NET1: variants seen among roughly 807,000 people sequenced by gnomAD.
NET1 encodes the protein neuroepithelial cell transforming 1, also known as neuroepithelial cell-transforming gene 1 protein.
Under a neutral mutation model 61.1 loss-of-function variants are expected in NET1, and 42 were observed. The ratio of observed to expected loss-of-function variants is 0.69; its 90% CI spans 0.54 to 0.89. The LOEUF is 0.89. Among genes scored for constraint, NET1 ranks in the 40% least tolerant of loss-of-function variants. The pLI is 0.00. For synonymous variants in NET1, 254 were observed against 281.8 expected, an observed-to-expected ratio of 0.90 and a Z score of 0.99; for missense variants, 654 against 747.3, an observed-to-expected ratio of 0.88 and a Z score of 1.46.
Position 5,412,635 on chromosome 10 carries a change from G to A in NET1, c.-58G>A. ...CCTGGCAGAGGCTGGCGGGCATCGT[G>A]CCCGTCCCTGCCGGTCTCCCGGGCA... On this transcript the variant is annotated 5_prime_UTR_variant, in exon 1 of 12. Transcript: ENST00000355029. This position sits in a 1 kb window ranked among gnomAD's most constrained non-coding sequence, Gnocchi z 6.5. 1 of 1,433,848 alleles carries A rather than the reference G, an allele frequency of 7.0e-7. No individual in the cohort carries two copies. Among genetic ancestry groups the A allele is most frequent in the East Asian group, 3.0e-5 (1 of 33,088 alleles). The allele number at this position is 1,433,848 out of a possible 1,614,324, so 88.8% of individuals were successfully genotyped here.
intron 1 of NET1, among the ~76,000 whole-genome samples, chr10:5,418,675 G>A (rs1180716552): frequency 1.3e-5 from 2 of 151,686 alleles, no homozygotes; most frequent in South Asian, 2.1e-4. Context: ...CCTTCTTCCT[G>A]CTTAGTAATC....
At position 5,451,470 on chromosome 10, in the gene NET1, C is replaced by G. The variant is rs1832700637; in HGVS notation, c.256-360C>G. Among the ~76,000 whole-genome samples, 1 of 150,338 alleles carries G rather than the reference C, an allele frequency of 6.7e-6. No homozygotes were observed. Among genetic ancestry groups the G allele is most frequent in the Non-Finnish European group, 1.5e-5 (1 of 67,820 alleles). ...GATCCATTATGCCATTCTCCACTTT[C>G]ATGTATGTTCGAAAATTTTCATAAC... On this transcript the variant is annotated intron_variant, in intron 3 of 11. Coordinates refer to ENST00000355029, the MANE Select transcript of NET1 (RefSeq NM_001047160.3). This position sits in a 1 kb window ranked among gnomAD's most constrained non-coding sequence, Gnocchi z 6.1.
Position 5,456,359 on chromosome 10 carries a change from G to T in NET1, c.1384+86G>T. 7.7e-7 allele frequency: 1 copy of T among 1,295,810 alleles called. No homozygotes were observed. 80.3% of individuals were successfully genotyped at this position (1,295,810 alleles called of 1,614,324 possible). A position where few individuals can be genotyped will look rare whatever the true frequency, so the allele number is the denominator to read the frequency against. On this transcript the variant is annotated intron_variant, in intron 11 of 11. Transcript: ENST00000355029. The surrounding 1 kb of genome is among the most constrained non-coding windows in gnomAD (Gnocchi z 7.0). ...TTTTGCCTTTAAGAATTCTAGAGAT[G>T]AAATGGCTCCATTGTCCTATACTTG...
chr10:5,453,255 T>C lies in NET1; in HGVS notation c.600T>C (p.Tyr200=), dbSNP rs4567355. 1,588,454 of 1,595,248 alleles carry C rather than the reference T, an allele frequency of 1. 791,082 individuals carry two copies. Among genetic ancestry groups the C allele is most frequent in the East Asian group, 1 (44,770 of 44,770 alleles). The change falls in exon 7 of 12, where the codon TAT becomes TAC. Residue 200 remains tyrosine (Y), a synonymous_variant. Transcript: ENST00000355029. This position sits in a 1 kb window ranked among gnomAD's most constrained non-coding sequence, Gnocchi z 4.9. ...IEDLKLARKA[Y]HDPMLKLSIM... Reference sequence around the variant, plus strand: ...ACATTTCTCCCCTCTGACAGGCCTATCATGACCCCATGTTAAAGTTGTCCA... The same window carrying C: ...ACATTTCTCCCCTCTGACAGGCCTACCATGACCCCATGTTAAAGTTGTCCA...
At chr10:5,425,464 A>G (rs7091237) in intron 1 of NET1, among the ~76,000 whole-genome samples, 37,668 of 152,130 alleles carry the variant, frequency 0.25, 4,929 homozygotes, top group Non-Finnish European at 0.29. Context: ...AAGAAGCCAA[A>G]TAACTACCAT....
rs1289672676 is a variant in NET1, at chr10:5,449,842, T to C, written c.256-1988T>C. Among the ~76,000 whole-genome samples the C allele has an allele frequency of 6.6e-6, 1 of 152,224 alleles. No homozygotes were observed. Among genetic ancestry groups the C allele is most frequent in the Non-Finnish European group, 1.5e-5 (1 of 68,036 alleles). ...CCTTTTAAGTTGAAATTAAATATTA[T>C]ATTTTCTGGGAAGTCAAATTTGTTA... On this transcript the variant is annotated intron_variant, in intron 3 of 11. Coordinates refer to ENST00000355029, the MANE Select transcript of NET1 (RefSeq NM_001047160.3). This position sits in a 1 kb window ranked among gnomAD's most constrained non-coding sequence, Gnocchi z 4.4.
At chr10:5,442,352 A>C (rs947172240) in intron 3 of NET1, among the ~76,000 whole-genome samples, 1 of 152,220 alleles carries the variant, frequency 6.6e-6, no homozygotes, top group African/African-American at 2.4e-5. Flanking sequence ...GTAAAAGTAG[A>C]TAATAATGCC....
chr10:5,413,940 A>G (rs1027078708), intron 1 of NET1, among the ~76,000 whole-genome samples: 2 of 152,230 alleles, frequency 1.3e-5, no homozygotes, highest in Non-Finnish European at 2.9e-5. Flanking sequence ...TTATAGTGAT[A>G]TACACAGAAT....
chr10:5,440,193 C>T lies in NET1; in HGVS notation c.255+10964C>T, dbSNP rs146606533. 2.6e-4 allele frequency among the ~76,000 whole-genome samples: 39 copies of T among 152,316 alleles called. No individual in the cohort carries two copies. The highest frequency in any genetic ancestry group is 9.4e-4 in the African/African-American group (39 of 41,564). On this transcript the variant is annotated intron_variant, in intron 3 of 11. Coordinates refer to ENST00000355029, the MANE Select transcript of NET1 (RefSeq NM_001047160.3). The surrounding 1 kb of genome is among the most constrained non-coding windows in gnomAD (Gnocchi z 4.1). ...CCTGTATGATGTTCTGTGAAATATC[C>T]GGTCCTTGCCGACTTTGTGACAGAA...
intron 3 of NET1, among the ~76,000 whole-genome samples, chr10:5,448,947 A>G (rs1424329429): frequency 6.6e-6 from 1 of 152,154 alleles, no homozygotes; most frequent in East Asian, 1.9e-4. Context: ...TAATAGTCAA[A>G]TCAAGATTAT....
At position 5,445,764 on chromosome 10, in the gene NET1, A is replaced by G. The variant is rs147860986; in HGVS notation, c.256-6066A>G. On this transcript the variant is annotated intron_variant, in intron 3 of 11. Transcript: ENST00000355029. The stretch of plus-strand genomic sequence containing the variant: ...TCATTATTGTCACTTCACCTCTGTT[A>G]GCCTCATTTCTTCACCTGTAAAATG... Among the ~76,000 whole-genome samples the G allele has an allele frequency of 4.3e-3, 650 of 152,336 alleles. 6 individuals carry two copies. Among genetic ancestry groups the G allele is most frequent in the African/African-American group, 0.015 (625 of 41,572 alleles).
Position 5,451,791 on chromosome 10 carries a change from C to T in NET1, c.256-39C>T. The T allele has an allele frequency of 1.3e-6, 2 of 1,503,224 alleles. No homozygotes were observed. The highest frequency in any genetic ancestry group is 1.8e-6 in the Non-Finnish European group (2 of 1,083,244). The allele number at this position is 1,503,224 out of a possible 1,614,324, so 93.1% of individuals were successfully genotyped here. On this transcript the variant is annotated intron_variant, in intron 3 of 11. Coordinates refer to ENST00000355029, the MANE Select transcript of NET1 (RefSeq NM_001047160.3). This position sits in a 1 kb window ranked among gnomAD's most constrained non-coding sequence, Gnocchi z 6.1. ...CCAAGTTTGTATGAAATCATTGCACCTAGACATATATTTAGTGTCATCTGG... is the reference window on the plus strand; with the variant it reads ...CCAAGTTTGTATGAAATCATTGCACTTAGACATATATTTAGTGTCATCTGG...
chr10:5,429,112 T>C, intron 2 of NET1, 58 bp from the exon 3 acceptor site: 1 of 1,167,532 alleles, frequency 8.6e-7, no homozygotes. Flanking sequence ...GAGTCTTTGT[T>C]TTGTGAGGTA....
chr10:5,413,044 G>A (rs1832027925), intron 1 of NET1, among the ~76,000 whole-genome samples: 1 of 136,050 alleles, frequency 7.4e-6, no homozygotes. Flanking sequence ...GTTGGGGGGG[G>A]GGACGGGGGC....
intron 3 of NET1, among the ~76,000 whole-genome samples, chr10:5,429,616 A>T (rs1043400114): frequency 2.6e-5 from 4 of 152,212 alleles, no homozygotes; most frequent in Non-Finnish European, 5.9e-5. Context: ...AATCTCCTGA[A>T]TTTTAAATGT....
At position 5,453,605 on chromosome 10, in the gene NET1, T is replaced by C; in HGVS notation, c.768+45T>C. On this transcript the variant is annotated intron_variant, in intron 8 of 11. Coordinates refer to ENST00000355029, the MANE Select transcript of NET1 (RefSeq NM_001047160.3). This position sits in a 1 kb window ranked among gnomAD's most constrained non-coding sequence, Gnocchi z 4.9. Reference sequence around the variant, plus strand: ...CCCCAGATACAGTTTCTTACAGATGTGCCATGTTGCAGTTTCTGATGAATA... The same window carrying C: ...CCCCAGATACAGTTTCTTACAGATGCGCCATGTTGCAGTTTCTGATGAATA... 1 of 1,521,404 alleles carries C rather than the reference T, an allele frequency of 6.6e-7. No individual in the cohort carries two copies. The highest frequency in any genetic ancestry group is 1.7e-5 in the Admixed American group (1 of 59,876). 94.2% of individuals were successfully genotyped at this position (1,521,404 alleles called of 1,614,324 possible).
rs901864364 is a variant in NET1 at position 5,456,420 on chromosome 10, G to A, written c.1384+147G>A. ...TGAGTTGTCCAGGCCTTCCCAGCTCGAACACCCGCAGGTGTATCTAAGAAA... is the reference window on the plus strand; with the variant it reads ...TGAGTTGTCCAGGCCTTCCCAGCTCAAACACCCGCAGGTGTATCTAAGAAA... On this transcript the variant is annotated intron_variant, in intron 11 of 11. Transcript: ENST00000355029. This position sits in a 1 kb window ranked among gnomAD's most constrained non-coding sequence, Gnocchi z 7.0. 9 of 1,026,218 alleles carry A rather than the reference G, an allele frequency of 8.8e-6. No individual in the cohort carries two copies. Among genetic ancestry groups the A allele is most frequent in the South Asian group, 3.5e-5 (2 of 56,730 alleles). 63.6% of individuals were successfully genotyped at this position (1,026,218 alleles called of 1,614,324 possible). A position where few individuals can be genotyped will look rare whatever the true frequency, so the allele number is the denominator to read the frequency against.
At chr10:5,419,987 T>A (rs542712670) in intron 1 of NET1, among the ~76,000 whole-genome samples, 13 of 152,348 alleles carry the variant, frequency 8.5e-5, no homozygotes, top group African/African-American at 2.4e-5. Context: ...TGTGTCTGTC[T>A]GTGGATATCT....
At chr10:5,433,466 C>T (rs986353475) in intron 3 of NET1, among the ~76,000 whole-genome samples, 1 of 152,224 alleles carries the variant, frequency 6.6e-6, no homozygotes, top group Non-Finnish European at 1.5e-5. Flanking sequence ...AGTTTGCTGA[C>T]CCCTGCCCTG....
Sources: gnomAD v4.1 joint callset for allele counts (sites outside exome capture counted in the v4.1 genomes callset) on GRCh38, gnomAD v4.1.1 for gene constraint, Gnocchi (gnomAD v3.1) non-coding constraint, MANE v1.5 for transcripts, NCBI Gene and HGNC (gene_info 2026-07-23, HGNC 2026-07-21) for gene names.